Variants in TNKS observed in about 807,000 individuals in gnomAD.
The protein encoded by TNKS is poly [ADP-ribose] polymerase tankyrase-1.
A neutral mutation model predicts 135.8 loss-of-function variants in TNKS; 72 were observed. The observed-to-expected ratio is 0.53, with a 90% confidence interval of 0.44 to 0.64. TNKS has a LOEUF of 0.64. TNKS is among the 30% of genes least tolerant of loss of function. TNKS has a pLI of 0.00. For missense variants in TNKS, 1,769 were observed against 1,674.0 expected, an observed-to-expected ratio of 1.06 and a Z score of -0.99; for synonymous variants, 849 against 649.3, an observed-to-expected ratio of 1.31 and a Z score of -4.68.
In TNKS at chr8:9,556,157, A is replaced by T. The variant is rs1483027718; in HGVS notation, c.218A>T (p.Asp73Val). 1.9e-6 allele frequency: 3 copies of T among 1,609,698 alleles called. No individual in the cohort carries two copies. The highest frequency in any genetic ancestry group is 2.2e-5 in the East Asian group (1 of 44,788). The change falls in exon 1 of 27, where the codon GAT (aspartate) becomes GTT (valine). Residue 73 changes from aspartate to valine, a missense_variant. Asp to Val is a radical substitution (Grantham distance 152). Around this residue, in one of 5 missense-constraint regions of TNKS, gnomAD observed 450 missense variants for 304.9 expected, o/e 1.48. Transcript: ENST00000310430. ...LALPEGDGSR[D>V]PPDRPRSPDP... ...CTGCCGGAGGGGGATGGCAGTCGGG[A>T]TCCGCCCGACAGGCCCCGATCCCCG...
At chr8:9,690,068 A>G (rs186534675) in intron 5 of TNKS, among the ~76,000 whole-genome samples, 1 of 152,270 alleles carries the variant, frequency 6.6e-6, no homozygotes, top group African/African-American at 2.4e-5. Flanking sequence ...AGACCAAGAA[A>G]CCTTTGATTT....
intron 2 of TNKS, among the ~76,000 whole-genome samples, chr8:9,610,688 C>T (rs1326960058): frequency 1.3e-5 from 2 of 152,074 alleles, no homozygotes; most frequent in Non-Finnish European, 2.9e-5. Context: ...ATTCTTAAAG[C>T]ATTAGATGCT....
rs377463447 is a variant in TNKS, at chr8:9,751,728, C to T, written c.2952C>T (p.Ser984=). 9.9e-6 allele frequency: 16 copies of T among 1,614,210 alleles called. No individual in the cohort carries two copies. The highest frequency in any genetic ancestry group is 1.3e-5 in the Non-Finnish European group (15 of 1,180,030). The change falls in exon 19 of 27, where the codon TCC becomes TCT. Residue 984 remains serine (S), a synonymous_variant. Transcript: ENST00000310430. ...TGATCTCACCAGCATCCACCCCCTC[C>T]TGCCTCTCGGCTGCCAGCAGCATAG... The part of the protein sequence containing the change: ...ASLISPASTP[S]CLSAASSIDN...
chr8:9,649,491 A>G (rs910494771), intron 3 of TNKS, among the ~76,000 whole-genome samples: 12 of 152,242 alleles, frequency 7.9e-5, no homozygotes, highest in South Asian at 2.1e-4. Flanking sequence ...TTTTTTTTCA[A>G]TTGTTTTTGG....
At chr8:9,625,726 G>T (rs748565689) in intron 3 of TNKS, among the ~76,000 whole-genome samples, 1 of 152,052 alleles carries the variant, frequency 6.6e-6, no homozygotes, top group African/African-American at 2.4e-5. Context: ...TTTCTAGTTT[G>T]ATTCCATTGT....
intron 12 of TNKS, among the ~76,000 whole-genome samples, chr8:9,725,427 A>G (rs1391814092): frequency 2.6e-5 from 4 of 152,212 alleles, no homozygotes; most frequent in Non-Finnish European, 5.9e-5. Context: ...TTTACCTGCT[A>G]TTATGATCAA....
chr8:9,727,749 CA>C (rs1805234576), intron 13 of TNKS, among the ~76,000 whole-genome samples: 1 of 152,146 alleles, frequency 6.6e-6, no homozygotes, highest in African/African-American at 2.4e-5. Context: ...TGACGGTAAA[CA>C]CGTTTTAAGC....
chr8:9,609,697 T>C (rs1799374117), intron 2 of TNKS, among the ~76,000 whole-genome samples: 1 of 152,220 alleles, frequency 6.6e-6, no homozygotes, highest in Admixed American at 6.5e-5. Context: ...TTTTTGTTTT[T>C]GTTTTAAATC....
intron 3 of TNKS, among the ~76,000 whole-genome samples, chr8:9,652,796 T>C (rs1397888361): frequency 6.6e-6 from 1 of 152,190 alleles, no homozygotes; most frequent in Non-Finnish European, 1.5e-5. Flanking sequence ...CATTGAGTGT[T>C]TTATTTCCAT....
chr8:9,572,474 C>A (rs555762344), intron 1 of TNKS, among the ~76,000 whole-genome samples: 4 of 152,182 alleles, frequency 2.6e-5, no homozygotes, highest in African/African-American at 7.2e-5. Context: ...TATTTCCTCT[C>A]TTCCCATCCT....
At chr8:9,720,194 G>T (rs4545100) in intron 11 of TNKS, among the ~76,000 whole-genome samples, 180 bp from the exon 12 acceptor site, 23 of 152,216 alleles carry the variant, frequency 1.5e-4, no homozygotes, top group African/African-American at 5.3e-4. Context: ...GATCAGAGAA[G>T]GGTAACTAAA....
intron 9 of TNKS, among the ~76,000 whole-genome samples, 188 bp downstream of exon 9, chr8:9,708,680 G>C (rs566495744): frequency 1.3e-5 from 2 of 152,182 alleles, no homozygotes; most frequent in African/African-American, 4.8e-5. Flanking sequence ...TGAGAGAATT[G>C]ACATTTGCTC....
At chr8:9,755,002 C>G (rs995063210) in intron 20 of TNKS, among the ~76,000 whole-genome samples, 1 of 152,178 alleles carries the variant, frequency 6.6e-6, no homozygotes, top group Non-Finnish European at 1.5e-5. Context: ...CTTCCCAAAT[C>G]ATTTCCACAA....
At position 9,709,155 on chromosome 8, in the gene TNKS, G is replaced by T. The variant is rs964707521; in HGVS notation, c.1578+663G>T. Among the ~76,000 whole-genome samples, 66 of 152,146 alleles carry T rather than the reference G, an allele frequency of 4.3e-4. 1 individual carries two copies. The highest frequency in any genetic ancestry group is 1.5e-3 in the African/African-American group (61 of 41,518). ...AAATATACCTAATTAATATTCTTACGTATATTTGACACAAAAGATCAAACG... is the reference window on the plus strand; with the variant it reads ...AAATATACCTAATTAATATTCTTACTTATATTTGACACAAAAGATCAAACG... On this transcript the variant is annotated intron_variant, in intron 9 of 26. Coordinates refer to ENST00000310430, the MANE Select transcript of TNKS (RefSeq NM_003747.3).
At chr8:9,658,732 C>T (rs1416415965) in intron 3 of TNKS, among the ~76,000 whole-genome samples, 1 of 152,164 alleles carries the variant, frequency 6.6e-6, no homozygotes, top group African/African-American at 2.4e-5. Context: ...TCACACATAA[C>T]AGTATTAACC....
chr8:9,697,083 C>T (rs1287795395), intron 5 of TNKS, among the ~76,000 whole-genome samples: 2 of 152,054 alleles, frequency 1.3e-5, no homozygotes, highest in Non-Finnish European at 1.5e-5. Context: ...AACAGCATGG[C>T]ACTGATACAA....
rs201469839 is a variant in TNKS, at chr8:9,556,497, G to A, written c.558G>A (p.Leu186=). Residue 186 remains leucine (L), a synonymous_variant, in exon 1 of 27, where the codon CTG becomes CTA. Coordinates refer to ENST00000310430, the MANE Select transcript of TNKS (RefSeq NM_003747.3). Reference sequence around the variant, plus strand: ...CAGTGAGCGGGGCCCTACGGGAACTGCTGGAGGCCTGTCGCAATGGGGACG... The same window carrying A: ...CAGTGAGCGGGGCCCTACGGGAACTACTGGAGGCCTGTCGCAATGGGGACG... ...VPAVSGALRE[L]LEACRNGDVS... 1.2e-5 allele frequency: 19 copies of A among 1,614,064 alleles called. No homozygotes were observed. The highest frequency in any genetic ancestry group is 1.6e-5 in the Non-Finnish European group (19 of 1,180,056).
chr8:9,720,383 C>T lies in TNKS; in HGVS notation c.1759C>T (p.Leu587=). 1 of 1,604,488 alleles carries T rather than the reference C, an allele frequency of 6.2e-7. No homozygotes were observed. Among genetic ancestry groups the T allele is most frequent in the Non-Finnish European group, 8.5e-7 (1 of 1,176,016 alleles). The stretch of plus-strand genomic sequence containing the variant: ...CGCAATGATTTTTCAGATGAATGCA[C>T]TGGACACCCTTGGTCAGACTGCTTT... ...LHKHGAKMNA[L]DTLGQTALHR... The change falls in exon 12 of 27, where the codon CTG becomes TTG. Residue 587 remains leucine (L), a synonymous_variant. Coordinates refer to ENST00000310430, the MANE Select transcript of TNKS (RefSeq NM_003747.3).
rs1342308032 is a variant in TNKS at position 9,781,846 on chromosome 8, G to A, written c.*5110G>A. On this transcript the variant is annotated 3_prime_UTR_variant, in exon 27 of 27. Coordinates refer to ENST00000310430, the MANE Select transcript of TNKS (RefSeq NM_003747.3). ...TTTAGTCTCTGTGTGACCCAACAGT[G>A]GCAGGGGTTACAACCCCCTCTCCTT... 6.6e-6 allele frequency: 1 copy of A among 152,546 alleles called. No individual in the cohort carries two copies. Among genetic ancestry groups the A allele is most frequent in the East Asian group, 1.9e-4 (1 of 5,192 alleles). 9.4% of individuals were successfully genotyped at this position (152,546 alleles called of 1,614,324 possible).
Sources: gnomAD v4.1 joint callset for allele counts (sites outside exome capture counted in the v4.1 genomes callset) on GRCh38, gnomAD v4.1.1 for gene constraint, gnomAD v4.1.1 regional missense constraint, MANE v1.5 for transcripts, NCBI Gene and HGNC (gene_info 2026-07-23, HGNC 2026-07-21) for gene names.